Variants in POTEB2 observed in about 807,000 individuals in gnomAD.
POTEB2 encodes POTE ankyrin domain family, member B2.
Under a neutral mutation model 1.8 loss-of-function variants are expected in POTEB2, and 1 was observed. That is an observed-to-expected ratio of 0.55 (90% CI 0.20 to 2.62). POTEB2 has a LOEUF of 2.62. Ranked by LOEUF, POTEB2 falls within the 30% of genes most tolerant of loss-of-function variation. The probability of loss-of-function intolerance (pLI) is 0.24; values close to 1 mark genes in which losing one functional copy is unlikely to be tolerated.
intron 9 of POTEB2, among the ~76,000 whole-genome samples, chr15:20,839,049 A>C (rs1166842977): frequency 2.3e-4 from 8 of 34,994 alleles, no homozygotes; most frequent in African/African-American, 1.4e-3. Flanking sequence ...TGGTGCTGGG[A>C]AAAAAAGATA....
rs1889675341 is a variant in POTEB2, at chr15:20,860,764, G to T, written c.699+278C>A. ...GTTAGGGAAAAAAAAACTTGGCAGG[G>T]AAAAATTGAAAAAAAAAAAAGTATT... On this transcript the variant is annotated intron_variant, in intron 3 of 10. Coordinates refer to ENST00000454856, the MANE Select transcript of POTEB2 (RefSeq NM_001277303.1). 9.0e-5 allele frequency among the ~76,000 whole-genome samples: 2 copies of T among 22,160 alleles called. 1 individual carries two copies. Among genetic ancestry groups the T allele is most frequent in the African/African-American group, 8.4e-4 (2 of 2,388 alleles). The allele number at this position is 22,160 out of a possible 152,430, so 14.5% of individuals were successfully genotyped here. A position where few individuals can be genotyped will look rare whatever the true frequency, so the allele number is the denominator to read the frequency against.
intron 6 of POTEB2, among the ~76,000 whole-genome samples, chr15:20,852,827 CTG>C (rs1889570000): frequency 9.8e-6 from 1 of 101,570 alleles, no homozygotes; most frequent in African/African-American, 3.6e-5. Context: ...AAGCTCCTGT[CTG>C]TATTTTTAAT....
At chr15:20,839,340 A>G (rs1365782285) in intron 9 of POTEB2, among the ~76,000 whole-genome samples, 1 of 69,076 alleles carries the variant, frequency 1.4e-5, no homozygotes, top group Non-Finnish European at 2.5e-5. Context: ...GCAAATTATG[A>G]ATCTAACAAA....
In POTEB2 at chr15:20,836,384, T is replaced by TACA. The variant is rs1555393612; in HGVS notation, c.1423-784_1423-782dup. ...TGACAGTGCAAGACTCCATCTAGAA[T>TACA]ACACACACACACACACACACACACA... is the stretch of plus-strand genomic sequence containing the variant. On this transcript the variant is annotated intron_variant, in intron 10 of 10. Transcript: ENST00000454856. Among the ~76,000 whole-genome samples, 11 of 55,764 alleles carry TACA rather than the reference T, an allele frequency of 2.0e-4. No homozygotes were observed. In the East Asian group the frequency reaches 4.7e-3, roughly 24 times the overall value. The allele number at this position is 55,764 out of a possible 152,430, so 36.6% of individuals were successfully genotyped here.
intron 10 of POTEB2, among the ~76,000 whole-genome samples, chr15:20,836,416 C>CACACAT (rs1349210388): frequency 1.4e-4 from 12 of 83,250 alleles, no homozygotes; most frequent in African/African-American, 3.4e-4. Flanking sequence ...CACACACACA[C>CACACAT]ATATATATAT....
chr15:20,843,513 C>T lies in POTEB2; in HGVS notation c.1298+2320G>A, dbSNP rs1247025429. Among the ~76,000 whole-genome samples, 12 of 47,176 alleles carry T rather than the reference C, an allele frequency of 2.5e-4. 1 individual carries two copies. Among genetic ancestry groups the T allele is most frequent in the African/African-American group, 1.1e-3 (12 of 10,798 alleles). The allele number at this position is 47,176 out of a possible 152,430, so 30.9% of individuals were successfully genotyped here. ...ATGCCCTCCATTGGCTCAAATATTG[C>T]TGACAGATTAAATAAAATGAGGTGG... On this transcript the variant is annotated intron_variant, in intron 9 of 10. Transcript: ENST00000454856.
chr15:20,839,971 T>C (rs1330471704), intron 9 of POTEB2, among the ~76,000 whole-genome samples: 3 of 104,250 alleles, frequency 2.9e-5, no homozygotes, highest in African/African-American at 1.2e-4. Context: ...GAAAGAGGCT[T>C]AATTGATTCA....
chr15:20,852,721 CA>C (rs1243044665), intron 6 of POTEB2, among the ~76,000 whole-genome samples: 2 of 106,378 alleles, frequency 1.9e-5, no homozygotes, highest in African/African-American at 6.9e-5. Flanking sequence ...ATAATTAATA[CA>C]TAATAAATCA....
intron 3 of POTEB2, among the ~76,000 whole-genome samples, chr15:20,860,438 C>A (rs868403900): frequency 0.32 from 12,934 of 40,890 alleles, 3,867 homozygotes; most frequent in African/African-American, 0.56. Context: ...CACACACACA[C>A]AAACAAAAAC....
Position 20,846,539 on chromosome 15 carries a change from T to G in POTEB2, c.1131+506A>C, listed in dbSNP as rs1211865356. ...GATCGTTCTTTTTTCATTTGGTTCC[T>G]GTATATCAAAAACATGATGGTGCTC... is the stretch of plus-strand genomic sequence containing the variant. On this transcript the variant is annotated intron_variant, in intron 8 of 10. Coordinates refer to ENST00000454856, the MANE Select transcript of POTEB2 (RefSeq NM_001277303.1). Among the ~76,000 whole-genome samples, 3 of 42,034 alleles carry G rather than the reference T, an allele frequency of 7.1e-5. 1 individual carries two copies. Among genetic ancestry groups the G allele is most frequent in the Non-Finnish European group, 1.2e-4 (3 of 25,440 alleles). 27.6% of individuals were successfully genotyped at this position (42,034 alleles called of 152,430 possible).
At chr15:20,839,887 T>C (rs1334765709) in intron 9 of POTEB2, among the ~76,000 whole-genome samples, 2 of 640 alleles carry the variant, frequency 3.1e-3, no homozygotes, top group Non-Finnish European at 5.1e-3. Flanking sequence ...TATATATATA[T>C]ATATATATAT....
intron 3 of POTEB2, among the ~76,000 whole-genome samples, chr15:20,860,460 CA>C (rs1195187918): frequency 2.9e-5 from 1 of 34,006 alleles, no homozygotes; most frequent in Admixed American, 3.2e-4. Context: ...AAAACAAAAA[CA>C]AAAAAAAACC....
chr15:20,839,122 T>C (rs890544429), intron 9 of POTEB2, among the ~76,000 whole-genome samples: 1 of 65,760 alleles, frequency 1.5e-5, no homozygotes, highest in Non-Finnish European at 2.6e-5. Context: ...TAATTCAAGA[T>C]GGATTAATGG....
intron 9 of POTEB2, among the ~76,000 whole-genome samples, chr15:20,839,188 C>A (rs567972535): frequency 1.9e-5 from 2 of 107,678 alleles, no homozygotes; most frequent in South Asian, 6.2e-4. Flanking sequence ...GATGAGGACC[C>A]TGAAAGCAAA....
chr15:20,836,367 C>A, intron 10 of POTEB2, among the ~76,000 whole-genome samples: 1 of 52,862 alleles, frequency 1.9e-5, no homozygotes, highest in African/African-American at 6.0e-5. Context: ...GGTGACAGTG[C>A]AAGACTCCAT....
chr15:20,855,069 TTATAA>T lies in POTEB2; in HGVS notation c.945-947_945-943del, dbSNP rs1287410029. On this transcript the variant is annotated intron_variant, in intron 5 of 10. Transcript: ENST00000454856. ...ATTCTCTAATTTTTGACGTACATAC[TTATAA>T]TATATTTTGCACTGAACACATTATT... 4.1e-3 allele frequency among the ~76,000 whole-genome samples: 30 copies of T among 7,364 alleles called. 2 individuals are homozygous for T. Among genetic ancestry groups the T allele is most frequent in the Non-Finnish European group, 9.3e-4 (5 of 5,362 alleles). The allele number at this position is 7,364 out of a possible 152,430, so 4.8% of individuals were successfully genotyped here.
At position 20,846,739 on chromosome 15, in the gene POTEB2, T is replaced by C. The variant is rs1387982638; in HGVS notation, c.1131+306A>G. On this transcript the variant is annotated intron_variant, in intron 8 of 10. Coordinates refer to ENST00000454856, the MANE Select transcript of POTEB2 (RefSeq NM_001277303.1). ...GTAATTATCTTCTTTAGCCACATTA[T>C]CTAGTGATAATCAGACTAAAACCAA... 2.2e-4 allele frequency among the ~76,000 whole-genome samples: 6 copies of C among 27,322 alleles called. 3 individuals carry two copies. Among genetic ancestry groups the C allele is most frequent in the Non-Finnish European group, 3.3e-4 (6 of 18,428 alleles). The allele number at this position is 27,322 out of a possible 152,430, so 17.9% of individuals were successfully genotyped here. A position where few individuals can be genotyped will look rare whatever the true frequency, so the allele number is the denominator to read the frequency against.
intron 6 of POTEB2, among the ~76,000 whole-genome samples, chr15:20,852,668 C>CT (rs1324340330): frequency 1.0e-4 from 7 of 67,038 alleles, no homozygotes; most frequent in East Asian, 1.6e-3. Context: ...ATCATACCTA[C>CT]TTTTTTTCAA....
intron 8 of POTEB2, 111 bp from the exon 9 acceptor site, chr15:20,846,110 AT>A: frequency 2.1e-5 from 2 of 96,438 alleles, no homozygotes; most frequent in Admixed American, 3.1e-4. Flanking sequence ...GTCATTAAAA[AT>A]ATTTCACACT....
Sources: gnomAD v4.1 joint callset for allele counts (sites outside exome capture counted in the v4.1 genomes callset) on GRCh38, gnomAD v4.1.1 for gene constraint, MANE v1.5 for transcripts, NCBI Gene and HGNC (gene_info 2026-07-23, HGNC 2026-07-21) for gene names.